The following XPR1 variants were observed in gnomAD, a reference collection of about 807,000 sequenced individuals.
XPR1 encodes the protein solute carrier family 53 member 1.
XPR1 carries 28 observed loss-of-function variants against 87.5 expected under a neutral mutation model. The ratio of observed to expected loss-of-function variants is 0.32; its 90% CI spans 0.24 to 0.44. XPR1 has a LOEUF of 0.44. Ranked by LOEUF, XPR1 falls within the 20% of genes least tolerant of loss-of-function variation. The pLI, the probability that XPR1 is intolerant of heterozygous loss-of-function variation, is 1.00. For synonymous variants in XPR1, 300 were observed against 306.1 expected (o/e 0.98, Z 0.21); for missense variants, 559 against 862.3 (o/e 0.65, Z 4.41).
rs1026737274 is a variant in XPR1 at position 180,885,803 on chromosome 1, A to T, written c.*1737A>T. The T allele has an allele frequency of 6.6e-6, 1 of 152,228 alleles. No individual in the cohort carries two copies. Among genetic ancestry groups the T allele is most frequent in the African/African-American group, 2.4e-5 (1 of 41,462 alleles). The allele number at this position is 152,228 out of a possible 1,614,324, so 9.4% of individuals were successfully genotyped here. On this transcript the variant is annotated 3_prime_UTR_variant, in exon 15 of 15. Transcript: ENST00000367590. ...CCTTTAATACACTCCTATCATCAGC[A>T]CTTCCACCATGTATTACAAGTCTTG...
chr1:180,884,126 C>T lies in XPR1; in HGVS notation c.*60C>T. Reference sequence around the variant, plus strand: ...CCTACTCTACAATCCTTTCCTCGACCAACGCAACCTCTAGTACCTTTCCAG... The same window carrying T: ...CCTACTCTACAATCCTTTCCTCGACTAACGCAACCTCTAGTACCTTTCCAG... On this transcript the variant is annotated 3_prime_UTR_variant, in exon 15 of 15. Coordinates refer to ENST00000367590, the MANE Select transcript of XPR1 (RefSeq NM_004736.4). 6.6e-7 allele frequency: 1 copy of T among 1,513,924 alleles called. No individual in the cohort carries two copies. The highest frequency in any genetic ancestry group is 9.1e-7 in the Non-Finnish European group (1 of 1,093,666). 93.8% of individuals were successfully genotyped at this position (1,513,924 alleles called of 1,614,324 possible). A position where few individuals can be genotyped will look rare whatever the true frequency, so the allele number is the denominator to read the frequency against.
intron 2 of XPR1, among the ~76,000 whole-genome samples, chr1:180,708,908 TTGGGGGG>T (rs1214652786): frequency 3.9e-5 from 1 of 25,634 alleles, no homozygotes; most frequent in Non-Finnish European, 1.3e-4. Context: ...TTTTTTTTTT[TTGGGGGG>T]GGGGGGGCGG....
chr1:180,762,631 G>A (rs1648091190), intron 2 of XPR1, among the ~76,000 whole-genome samples: 2 of 152,172 alleles, frequency 1.3e-5, no homozygotes, highest in African/African-American at 2.4e-5. Flanking sequence ...AGCATCTGCT[G>A]ATCACAAAGC....
intron 1 of XPR1, among the ~76,000 whole-genome samples, chr1:180,642,713 G>A (rs1251159842): frequency 6.6e-6 from 1 of 152,112 alleles, no homozygotes; most frequent in East Asian, 1.9e-4. Flanking sequence ...CTTAGTTCCT[G>A]CCTTAGAGGA....
chr1:180,715,030 C>A (rs1167427620), intron 2 of XPR1, among the ~76,000 whole-genome samples: 1 of 152,006 alleles, frequency 6.6e-6, no homozygotes, highest in Non-Finnish European at 1.5e-5. Context: ...CTGCTCAATA[C>A]CAAAAAATCA....
chr1:180,818,200 G>T (rs573924805), intron 7 of XPR1, among the ~76,000 whole-genome samples: 1 of 152,148 alleles, frequency 6.6e-6, no homozygotes, highest in African/African-American at 2.4e-5. Context: ...AATATTTGTG[G>T]TTCTTTTCCT....
At chr1:180,657,314 C>A (rs901970739) in intron 1 of XPR1, among the ~76,000 whole-genome samples, 1 of 152,074 alleles carries the variant, frequency 6.6e-6, no homozygotes, top group Non-Finnish European at 1.5e-5. Flanking sequence ...TCCCATTTGT[C>A]CATTTTGCTT....
At chr1:180,718,553 T>C (rs1658073286) in intron 2 of XPR1, among the ~76,000 whole-genome samples, 1 of 152,150 alleles carries the variant, frequency 6.6e-6, no homozygotes, top group Admixed American at 6.5e-5. Flanking sequence ...GATCAGTGAT[T>C]CATAACTGTG....
At chr1:180,675,846 T>C (rs1656352266) in intron 1 of XPR1, among the ~76,000 whole-genome samples, 1 of 152,154 alleles carries the variant, frequency 6.6e-6, no homozygotes, top group South Asian at 2.1e-4. Context: ...GTTTGTTTCC[T>C]CCCTTGTTTC....
intron 11 of XPR1, among the ~76,000 whole-genome samples, chr1:180,855,450 A>AT (rs1558040247): frequency 1.3e-5 from 2 of 152,132 alleles, no homozygotes; most frequent in African/African-American, 4.8e-5. Flanking sequence ...GCAGATTATG[A>AT]GGTCAGGAGA....
chr1:180,665,855 A>T (rs989778735), intron 1 of XPR1, among the ~76,000 whole-genome samples: 2 of 152,136 alleles, frequency 1.3e-5, no homozygotes, highest in African/African-American at 4.8e-5. Flanking sequence ...TCTGATTCAT[A>T]TGAAGGCTTT....
At chr1:180,734,302 C>G (rs1658656692) in intron 2 of XPR1, among the ~76,000 whole-genome samples, 1 of 152,098 alleles carries the variant, frequency 6.6e-6, no homozygotes, top group Non-Finnish European at 1.5e-5. Context: ...TGATAGGAGA[C>G]CAGTCTCAAA....
intron 2 of XPR1, among the ~76,000 whole-genome samples, chr1:180,691,206 G>A (rs1656982962): frequency 6.6e-6 from 1 of 152,026 alleles, no homozygotes; most frequent in Non-Finnish European, 1.5e-5. Context: ...TATGTATTTT[G>A]TCAAAACACC....
In XPR1 at chr1:180,883,203, C is replaced by T. The variant is rs561171450; in HGVS notation, c.2031-803C>T. Among the ~76,000 whole-genome samples the T allele has an allele frequency of 1.0e-3, 148 of 142,880 alleles. 1 individual carries two copies. Among genetic ancestry groups the T allele is most frequent in the African/African-American group, 3.7e-3 (141 of 38,532 alleles). 93.7% of individuals were successfully genotyped at this position (142,880 alleles called of 152,430 possible). On this transcript the variant is annotated intron_variant, in intron 14 of 14. Transcript: ENST00000367590. The stretch of plus-strand genomic sequence containing the variant: ...CTGGTCTCAAACTGCCGGGCTAAGG[C>T]GATCCTCTTATGTCAGCCTCCCAAG...
At chr1:180,767,630 A>G (rs2102061529) in intron 2 of XPR1, among the ~76,000 whole-genome samples, 1 of 152,352 alleles carries the variant, frequency 6.6e-6, no homozygotes, top group East Asian at 1.9e-4. Context: ...TGTTAAAATT[A>G]TGATTTTAAA....
intron 1 of XPR1, among the ~76,000 whole-genome samples, chr1:180,645,607 A>G (rs1655096414): frequency 6.6e-6 from 1 of 152,224 alleles, no homozygotes; most frequent in Non-Finnish European, 1.5e-5. Context: ...TTGTAACTAA[A>G]GAACTCTGGC....
At chr1:180,746,731 G>T (rs1275130061) in intron 2 of XPR1, among the ~76,000 whole-genome samples, 2 of 152,076 alleles carry the variant, frequency 1.3e-5, no homozygotes, top group East Asian at 1.9e-4. Context: ...AAAACTATCC[G>T]CTGTATTCCT....
At chr1:180,770,774 G>A (rs1330250838) in intron 2 of XPR1, among the ~76,000 whole-genome samples, 1 of 151,984 alleles carries the variant, frequency 6.6e-6, no homozygotes, top group Non-Finnish European at 1.5e-5. Flanking sequence ...CCTTCATCTG[G>A]CGGTCCCTCT....
At chr1:180,784,317 C>G (rs898476141) in intron 2 of XPR1, among the ~76,000 whole-genome samples, 3 of 151,954 alleles carry the variant, frequency 2.0e-5, no homozygotes, top group Non-Finnish European at 4.4e-5. Context: ...AAAAAAGTTG[C>G]ATTTATATGA....
Sources: allele counts gnomAD v4.1 joint callset (sites outside exome capture counted in the v4.1 genomes callset), GRCh38; gene constraint gnomAD v4.1.1; transcripts MANE v1.5; gene names NCBI Gene and HGNC (gene_info 2026-07-23, HGNC 2026-07-21).